TMEM178B: variants seen among roughly 807,000 people sequenced by gnomAD.
The protein encoded by TMEM178B is transmembrane protein 178B.
In TMEM178B, 5 loss-of-function variants were observed where a neutral mutation model predicts 31.0. The observed-to-expected ratio is 0.16, with a 90% confidence interval of 0.08 to 0.34. The LOEUF (loss-of-function observed/expected upper bound fraction) is 0.34, where lower values mean the gene tolerates loss of function less well. TMEM178B is among the 10% of genes least tolerant of loss of function. The probability of loss-of-function intolerance (pLI) is 1.00; values close to 1 mark genes in which losing one functional copy is unlikely to be tolerated. For synonymous variants in TMEM178B, 164 were observed against 164.0 expected (o/e 1.00, Z 0.00); for missense variants, 275 against 400.3 (o/e 0.69, Z 2.67).
At chr7:141,233,356 G>A (rs1187655522) in intron 2 of TMEM178B, among the ~76,000 whole-genome samples, 2 of 152,190 alleles carry the variant, frequency 1.3e-5, no homozygotes, top group Admixed American at 6.5e-5. Context: ...GCCTAATGGG[G>A]GTGACCCAGG....
intron 2 of TMEM178B, among the ~76,000 whole-genome samples, chr7:141,432,132 C>G (rs1801441357): frequency 7.3e-6 from 1 of 137,746 alleles, no homozygotes; most frequent in African/African-American, 2.7e-5. Context: ...TTCTTTTTCT[C>G]TCCTTCACTG....
intron 2 of TMEM178B, among the ~76,000 whole-genome samples, chr7:141,263,071 C>T (rs531665759): frequency 2.4e-4 from 37 of 152,238 alleles, no homozygotes; most frequent in African/African-American, 7.7e-4. Context: ...TCCTTGCTTC[C>T]CAGTTATCTG....
intron 2 of TMEM178B, among the ~76,000 whole-genome samples, chr7:141,291,826 G>T (rs924976339): frequency 4.6e-5 from 7 of 152,066 alleles, no homozygotes; most frequent in Non-Finnish European, 8.8e-5. Flanking sequence ...CCATCATGAG[G>T]CAACCAGAAT....
intron 2 of TMEM178B, among the ~76,000 whole-genome samples, chr7:141,236,121 A>G (rs1478069858): frequency 6.6e-6 from 1 of 152,178 alleles, no homozygotes; most frequent in African/African-American, 2.4e-5. Flanking sequence ...AACCTAGTCC[A>G]CACCCCAGCC....
At chr7:141,105,952 G>A (rs1266805761) in intron 1 of TMEM178B, among the ~76,000 whole-genome samples, 1 of 151,760 alleles carries the variant, frequency 6.6e-6, no homozygotes, top group Non-Finnish European at 1.5e-5. Context: ...AAAATTAGCC[G>A]GGCGTGGTAG....
At chr7:141,256,004 A>AAT (rs1797921175) in intron 2 of TMEM178B, among the ~76,000 whole-genome samples, 1 of 151,732 alleles carries the variant, frequency 6.6e-6, no homozygotes, top group African/African-American at 2.4e-5. Flanking sequence ...CCATCCTTCC[A>AAT]TCCATTCATC....
At chr7:141,446,745 G>A (rs1801765106) in intron 3 of TMEM178B, among the ~76,000 whole-genome samples, 1 of 152,098 alleles carries the variant, frequency 6.6e-6, no homozygotes, top group Admixed American at 6.5e-5. Flanking sequence ...TATAAAAGAG[G>A]TCCAATAACA....
At chr7:141,223,297 A>G (rs1477251590) in intron 2 of TMEM178B, among the ~76,000 whole-genome samples, 2 of 152,008 alleles carry the variant, frequency 1.3e-5, no homozygotes, top group Non-Finnish European at 2.9e-5. Flanking sequence ...CCTTATTTTC[A>G]TCTCTTTGCT....
At chr7:141,467,448 C>T (rs74438586) in intron 3 of TMEM178B, among the ~76,000 whole-genome samples, 5 of 152,196 alleles carry the variant, frequency 3.3e-5, no homozygotes, top group East Asian at 3.9e-4. Context: ...GGTCACCTTC[C>T]GTTGTTTCTA....
chr7:141,184,641 G>A (rs1233368048), intron 1 of TMEM178B, among the ~76,000 whole-genome samples: 1 of 152,100 alleles, frequency 6.6e-6, no homozygotes, highest in Non-Finnish European at 1.5e-5. Flanking sequence ...TGGGCTCTTT[G>A]TTTATTTTGT....
intron 2 of TMEM178B, among the ~76,000 whole-genome samples, chr7:141,257,612 C>T (rs555122419): frequency 1.3e-5 from 2 of 152,292 alleles, no homozygotes; most frequent in Non-Finnish European, 1.5e-5. Flanking sequence ...CTGACAGTTT[C>T]CACTTTCAGC....
intron 2 of TMEM178B, among the ~76,000 whole-genome samples, chr7:141,399,949 T>A (rs922664574): frequency 6.6e-6 from 1 of 152,196 alleles, no homozygotes; most frequent in South Asian, 2.1e-4. Flanking sequence ...GAAAATGTAG[T>A]GGCCAAGAAA....
chr7:141,279,148 A>G (rs1798313682), intron 2 of TMEM178B, among the ~76,000 whole-genome samples: 1 of 152,196 alleles, frequency 6.6e-6, no homozygotes, highest in Non-Finnish European at 1.5e-5. Context: ...AGAACTTCCT[A>G]GGTGAGTAGC....
chr7:141,379,876 G>T (rs1354821828), intron 2 of TMEM178B, among the ~76,000 whole-genome samples: 1 of 152,168 alleles, frequency 6.6e-6, no homozygotes. Flanking sequence ...GTTCTTAGGA[G>T]ATTTTCCTCA....
intron 1 of TMEM178B, among the ~76,000 whole-genome samples, chr7:141,123,897 C>T (rs1011434678): frequency 7.9e-5 from 12 of 152,094 alleles, no homozygotes; most frequent in African/African-American, 1.4e-4. Flanking sequence ...GGACCACAGG[C>T]GCACAACACC....
intron 1 of TMEM178B, among the ~76,000 whole-genome samples, chr7:141,151,819 A>C (rs1453100183): frequency 1.3e-5 from 2 of 152,128 alleles, no homozygotes; most frequent in Non-Finnish European, 2.9e-5. Flanking sequence ...AGCCACATGT[A>C]GGGGGTGTGA....
At chr7:141,107,416 A>G (rs774326269) in intron 1 of TMEM178B, among the ~76,000 whole-genome samples, 2 of 152,172 alleles carry the variant, frequency 1.3e-5, no homozygotes, top group Non-Finnish European at 2.9e-5. Flanking sequence ...AGCTGCGTTT[A>G]CAATGTAGGC....
rs917727839 is a variant in TMEM178B at position 141,476,462 on chromosome 7, A to G, written c.*5676A>G. 2.0e-5 allele frequency: 3 copies of G among 151,950 alleles called. No individual in the cohort carries two copies. Among genetic ancestry groups the G allele is most frequent in the Non-Finnish European group, 2.9e-5 (2 of 67,976 alleles). The allele number at this position is 151,950 out of a possible 1,614,324, so 9.4% of individuals were successfully genotyped here. On this transcript the variant is annotated 3_prime_UTR_variant, in exon 4 of 4. Transcript: ENST00000565468. ...TAGTATTTTTTTTTTTAATTCTCCTAACGTTATTTCTAGCTGTACATTCCC... is the reference window on the plus strand; with the variant it reads ...TAGTATTTTTTTTTTTAATTCTCCTGACGTTATTTCTAGCTGTACATTCCC...
chr7:141,326,968 G>A (rs1246110869), intron 2 of TMEM178B, among the ~76,000 whole-genome samples: 1 of 152,116 alleles, frequency 6.6e-6, no homozygotes, highest in East Asian at 1.9e-4. Context: ...AAAATAAATA[G>A]CCATGTGTTG....
Sources: allele counts gnomAD v4.1 joint callset (sites outside exome capture counted in the v4.1 genomes callset), GRCh38; gene constraint gnomAD v4.1.1; transcripts MANE v1.5; gene names NCBI Gene and HGNC (gene_info 2026-07-23, HGNC 2026-07-21).